Variants in MYL6 observed in about 807,000 individuals in gnomAD.
MYL6 encodes the protein myosin light chain 6, also known as myosin light polypeptide 6.
Under a neutral mutation model 20.3 loss-of-function variants are expected in MYL6, and 20 were observed. The ratio of observed to expected loss-of-function variants is 0.98; its 90% CI spans 0.69 to 1.43. MYL6 has a LOEUF of 1.43. Ranked by LOEUF, MYL6 falls within the 40% of genes most tolerant of loss-of-function variation. The pLI, the probability that MYL6 is intolerant of heterozygous loss-of-function variation, is 0.00. For synonymous variants in MYL6, 77 were observed against 72.4 expected, an observed-to-expected ratio of 1.06 and a Z score of -0.32; for missense variants, 164 against 191.0, an observed-to-expected ratio of 0.86 and a Z score of 0.83.
chr12:56,160,224 G>A lies in MYL6; in HGVS notation c.350-19G>A, dbSNP rs369422280. 4 of 1,614,000 alleles carry A rather than the reference G, an allele frequency of 2.5e-6. No homozygotes were observed. Among genetic ancestry groups the A allele is most frequent in the Non-Finnish European group, 3.4e-6 (4 of 1,180,006 alleles). Reference sequence around the variant, plus strand: ...TCACTTGTCACCCAATTCCAAAAATGCTTTCTTTCCCCCTGCAGGTGAGAA... The same window carrying A: ...TCACTTGTCACCCAATTCCAAAAATACTTTCTTTCCCCCTGCAGGTGAGAA... On this transcript the variant is annotated intron_variant, in intron 4 of 6. Transcript: ENST00000550697.
At position 56,160,738 on chromosome 12, in the gene MYL6, CTT is replaced by C. The variant is rs1871748682; in HGVS notation, c.*16+70_*16+71del. On this transcript the variant is annotated intron_variant, in intron 6 of 6. Transcript: ENST00000550697. ...GTTTCTTTTTTCCCCAACCTGTGCT[CTT>C]TATCCCCTGCCCTTACCCTACTACC... The C allele has an allele frequency of 3.3e-6, 5 of 1,524,018 alleles. No individual in the cohort carries two copies. In the South Asian group the frequency reaches 5.8e-5, roughly 18 times the overall value. The allele number at this position is 1,524,018 out of a possible 1,614,324, so 94.4% of individuals were successfully genotyped here. A position where few individuals can be genotyped will look rare whatever the true frequency, so the allele number is the denominator to read the frequency against.
intron 2 of MYL6, chr12:56,159,136 G>C (rs1031760566): frequency 3.1e-6 from 1 of 325,586 alleles, no homozygotes. Flanking sequence ...TGCAGATGGG[G>C]ACAAGACAGG....
Position 56,160,179 on chromosome 12 carries a change from A to C in MYL6, c.349+31A>C, listed in dbSNP as rs1433563209. On this transcript the variant is annotated intron_variant, in intron 4 of 6. Coordinates refer to ENST00000550697, the MANE Select transcript of MYL6 (RefSeq NM_021019.5). ...GTTCTGTGTCCTTGTCCTTGAGCTG[A>C]GATGGCACCCTGAGGTACCTCACTT... The C allele has an allele frequency of 1.9e-6, 3 of 1,613,682 alleles. No individual in the cohort carries two copies. In the African/African-American group the frequency reaches 4.0e-5, roughly 22 times the overall value.
chr12:56,160,626 C>A lies in MYL6; in HGVS notation c.428C>A (p.Ala143Glu). 6.2e-7 allele frequency: 1 copy of A among 1,614,224 alleles called. No individual in the cohort carries two copies. Among genetic ancestry groups the A allele is most frequent in the Non-Finnish European group, 8.5e-7 (1 of 1,180,028 alleles). ...CATGAATGTCTCTTCCTTCCTGCAG[C>A]GTTTGTGAGGCATATCCTGTCGGGG... ...EDSNGCINYE[A>E]FVRHILSG Residue 143 changes from alanine to glutamate, a missense_variant and splice_region_variant, in exon 6 of 7, where the codon GCG becomes GAG. Coordinates refer to ENST00000550697, the MANE Select transcript of MYL6 (RefSeq NM_021019.5).
At chr12:56,159,918 T>C (rs982147722) in intron 3 of MYL6, 57 bp from the exon 4 acceptor site, 49 of 1,563,112 alleles carry the variant, frequency 3.1e-5, no homozygotes, top group South Asian at 1.7e-4. Flanking sequence ...TATAATCCCC[T>C]GTCCTGAGAA....
In MYL6 at chr12:56,158,571, G is replaced by A. The variant is rs555634266; in HGVS notation, c.4-113G>A. On this transcript the variant is annotated intron_variant, in intron 1 of 6. Coordinates refer to ENST00000550697, the MANE Select transcript of MYL6 (RefSeq NM_021019.5). ...GGCCCTGCGGGGAAGCGAGTCTGCA[G>A]CCTGAAACAGGAGTTTGTGGGTCAG... The A allele has an allele frequency of 2.5e-6, 4 of 1,613,348 alleles. No individual in the cohort carries two copies. In the African/African-American group the frequency reaches 5.3e-5, roughly 22 times the overall value.
rs577889949 is a variant in MYL6, at chr12:56,160,521, G to A, written c.428-105G>A. The A allele has an allele frequency of 8.6e-5, 123 of 1,435,802 alleles. 2 individuals are homozygous for A. In the Middle Eastern group the frequency reaches 8.9e-3, roughly 104 times the overall value. 88.9% of individuals were successfully genotyped at this position (1,435,802 alleles called of 1,614,324 possible). A position where few individuals can be genotyped will look rare whatever the true frequency, so the allele number is the denominator to read the frequency against. Reference sequence around the variant, plus strand: ...GAAGGGGGTAGTATTGTAGAGGGTGGGAAGGAATGAGAAGTGAAATAATGG... The same window carrying A: ...GAAGGGGGTAGTATTGTAGAGGGTGAGAAGGAATGAGAAGTGAAATAATGG... On this transcript the variant is annotated intron_variant, in intron 5 of 6. Transcript: ENST00000550697.
chr12:56,158,521 T>C (rs770574039), intron 1 of MYL6, 117 bp downstream of exon 1: 2 of 1,603,554 alleles, frequency 1.2e-6, no homozygotes, highest in Non-Finnish European at 1.7e-6. Context: ...ACCCGAAAGG[T>C]TGGAGGTGGG....
At chr12:56,160,362 G>A (rs749554192) in intron 5 of MYL6, 42 bp downstream of exon 5, 35 of 1,611,494 alleles carry the variant, frequency 2.2e-5, no homozygotes, top group Non-Finnish European at 2.9e-5. Context: ...GCAGCCATAT[G>A]GGGCAGGTCA....
chr12:56,160,360 A>G (rs1222982367), intron 5 of MYL6, 40 bp downstream of exon 5: 2 of 1,612,004 alleles, frequency 1.2e-6, no homozygotes, highest in African/African-American at 1.3e-5. Flanking sequence ...AAGCAGCCAT[A>G]TGGGGCAGGT....
chr12:56,160,197 C>T (rs1302825396), intron 4 of MYL6, 46 bp from the exon 5 acceptor site: 4 of 1,613,426 alleles, frequency 2.5e-6, no homozygotes, highest in East Asian at 2.2e-5. Flanking sequence ...CCCTGAGGTA[C>T]CTCACTTGTC....
Position 56,160,030 on chromosome 12 carries a change from G to T in MYL6, c.231G>T (p.Val77=). Residue 77 remains valine, a synonymous_variant, in exon 4 of 7, where the codon GTG becomes GTT. Transcript: ENST00000550697. ...FEHFLPMLQT[V]AKNKDQGTYE... is the part of the protein sequence containing the mutation. ...ACTTTCTGCCCATGCTGCAGACAGT[G>T]GCCAAGAACAAGGACCAGGGCACCT... 6.2e-7 allele frequency: 1 copy of T among 1,614,150 alleles called. No homozygotes were observed. Among genetic ancestry groups the T allele is most frequent in the Non-Finnish European group, 8.5e-7 (1 of 1,180,028 alleles).
At chr12:56,160,491 G>GA in intron 5 of MYL6, 135 bp from the exon 6 acceptor site, 1 of 1,410,376 alleles carries the variant, frequency 7.1e-7, no homozygotes, top group African/African-American at 1.4e-5. Context: ...GGTATAACAG[G>GA]AAAGGAAGGG....
intron 2 of MYL6, 164 bp downstream of exon 2, chr12:56,158,875 T>C: frequency 6.8e-7 from 1 of 1,462,278 alleles, no homozygotes; most frequent in Non-Finnish European, 9.0e-7. Flanking sequence ...TTTTCTCACT[T>C]TCTTCCTCCC....
rs377299620 is a variant in MYL6, at chr12:56,159,787, TA to T, written c.175+59del. 916 of 1,575,010 alleles carry T rather than the reference TA, an allele frequency of 5.8e-4. 6 individuals are homozygous for T. The African/African-American group carries it at 0.011, about 19-fold the overall frequency. On this transcript the variant is annotated intron_variant, in intron 3 of 6. Coordinates refer to ENST00000550697, the MANE Select transcript of MYL6 (RefSeq NM_021019.5). Reference sequence around the variant, plus strand: ...GGTCATGGGCCCACAGTTCTTCAGCTAAGAGCTTCCCTTTATCTTCATAGGC... The same window carrying T: ...GGTCATGGGCCCACAGTTCTTCAGCTAGAGCTTCCCTTTATCTTCATAGGC...
At chr12:56,160,205 G>A in intron 4 of MYL6, 38 bp from the exon 5 acceptor site, 1 of 1,603,634 alleles carries the variant, frequency 6.2e-7, no homozygotes, top group South Asian at 1.1e-5. Flanking sequence ...TACCTCACTT[G>A]TCACCCAATT....
intron 1 of MYL6, 47 bp downstream of exon 1, chr12:56,158,451 A>T: frequency 6.4e-7 from 1 of 1,553,228 alleles, no homozygotes; most frequent in Non-Finnish European, 8.7e-7. Flanking sequence ...GACGAGAGGC[A>T]GGAAGAGACG....
intron 5 of MYL6, 150 bp from the exon 6 acceptor site, chr12:56,160,476 A>C: frequency 7.1e-7 from 1 of 1,408,026 alleles, no homozygotes; most frequent in Non-Finnish European, 1.0e-6. Context: ...GTGGGAGGTC[A>C]GGGCGGTATA....
At position 56,160,654 on chromosome 12, in the gene MYL6, ACGGGC is replaced by A. The variant is rs750778025; in HGVS notation, c.*2_*6del. On this transcript the variant is annotated 3_prime_UTR_variant, in exon 6 of 7. Coordinates refer to ENST00000550697, the MANE Select transcript of MYL6 (RefSeq NM_021019.5). ...TTGTGAGGCATATCCTGTCGGGGTG[ACGGGC>A]CCATGGGGCGGGTACGGCTCCTCCC... is the stretch of plus-strand genomic sequence containing the variant. 7.4e-6 allele frequency: 12 copies of A among 1,614,026 alleles called. No homozygotes were observed. Among genetic ancestry groups the A allele is most frequent in the Non-Finnish European group, 4.2e-6 (5 of 1,180,018 alleles).
Sources: allele counts gnomAD v4.1 joint callset, GRCh38; gene constraint gnomAD v4.1.1; transcripts MANE v1.5; gene names NCBI Gene and HGNC (gene_info 2026-07-23, HGNC 2026-07-21).